Variants in MORN4 observed in about 807,000 individuals in gnomAD.
The protein encoded by MORN4 is MORN repeat-containing protein 4.
MORN4 carries 8 observed loss-of-function variants against 16.4 expected under a neutral mutation model. That is an observed-to-expected ratio of 0.49 (90% CI 0.29 to 0.88). The LOEUF (loss-of-function observed/expected upper bound fraction) is 0.88, where lower values mean the gene tolerates loss of function less well. MORN4 is among the 40% of genes least tolerant of loss of function. The pLI is 0.09. For missense variants in MORN4, 159 were observed against 182.9 expected (o/e 0.87, Z 0.75); for synonymous variants, 53 against 68.9 (o/e 0.77, Z 1.14).
rs971181215 is a variant in MORN4 at position 97,619,123 on chromosome 10, G to A, written c.67+464C>T. 2.6e-5 allele frequency among the ~76,000 whole-genome samples: 4 copies of A among 152,058 alleles called. No individual in the cohort carries two copies. In the East Asian group the frequency reaches 7.7e-4, roughly 29 times the overall value. The stretch of plus-strand genomic sequence containing the variant: ...GCAGATCACCTGAGGTCAGGAGTTC[G>A]AGACCAGCCTGGCCAACATGGTGAA... On this transcript the variant is annotated intron_variant, in intron 2 of 4. Transcript: ENST00000307450.
chr10:97,619,469 T>C (rs756179359), intron 2 of MORN4, 118 bp downstream of exon 2: 2 of 783,864 alleles, frequency 2.6e-6, no homozygotes, highest in South Asian at 1.4e-5. Flanking sequence ...AGGCACTATA[T>C]GGAATTAAAT....
At chr10:97,626,458 T>TC (rs1224329482) in intron 1 of MORN4, among the ~76,000 whole-genome samples, 14 of 142,412 alleles carry the variant, frequency 9.8e-5, no homozygotes, top group East Asian at 8.0e-4. Context: ...GTTCTCTCTC[T>TC]TTTTTTTTTT....
Position 97,630,738 on chromosome 10 carries a change from T to C in MORN4, c.-31+2609A>G, listed in dbSNP as rs146979591. 2.0e-3 allele frequency among the ~76,000 whole-genome samples: 298 copies of C among 152,364 alleles called. 9 individuals carry two copies. The East Asian group carries it at 0.039, about 20-fold the overall frequency. On this transcript the variant is annotated intron_variant, in intron 1 of 4. Coordinates refer to ENST00000307450, the MANE Select transcript of MORN4 (RefSeq NM_178832.4). The stretch of plus-strand genomic sequence containing the variant: ...ATTTTATGACTTTTATAATTAACCA[T>C]GCTAATGAATAGCTTTACAGCTACT...
At chr10:97,626,511 A>G (rs188699052) in intron 1 of MORN4, among the ~76,000 whole-genome samples, 51 of 144,796 alleles carry the variant, frequency 3.5e-4, no homozygotes, top group Middle Eastern at 7.2e-3. Context: ...ACTGGAGTGC[A>G]GTGGTGCAAT....
chr10:97,625,794 G>A (rs1432340396), intron 1 of MORN4, among the ~76,000 whole-genome samples: 18 of 152,192 alleles, frequency 1.2e-4, no homozygotes, highest in Admixed American at 1.2e-3. Context: ...AGGAGACAGT[G>A]TGTCGCTCTG....
Position 97,616,241 on chromosome 10 carries a change from T to G in MORN4, c.*22A>C. ...GGGCACTGGCTTTACCCAATACTTA[T>G]CAGCTGGTGCCCACTGCGCTGTCAG... On this transcript the variant is annotated 3_prime_UTR_variant, in exon 5 of 5. Coordinates refer to ENST00000307450, the MANE Select transcript of MORN4 (RefSeq NM_178832.4). 1 of 1,548,704 alleles carries G rather than the reference T, an allele frequency of 6.5e-7. No individual in the cohort carries two copies.
chr10:97,625,925 G>A (rs1016929045), intron 1 of MORN4, among the ~76,000 whole-genome samples: 9 of 152,114 alleles, frequency 5.9e-5, no homozygotes, highest in Non-Finnish European at 1.3e-4. Context: ...ACACCACCAT[G>A]CCCAACTAAC....
rs775442762 is a variant in MORN4, at chr10:97,615,275, G to C, written c.*988C>G. 2.0e-5 allele frequency: 3 copies of C among 152,532 alleles called. No individual in the cohort carries two copies. Among genetic ancestry groups the C allele is most frequent in the Non-Finnish European group, 2.9e-5 (2 of 68,196 alleles). 9.4% of individuals were successfully genotyped at this position (152,532 alleles called of 1,614,324 possible). A position where few individuals can be genotyped will look rare whatever the true frequency, so the allele number is the denominator to read the frequency against. On this transcript the variant is annotated 3_prime_UTR_variant, in exon 5 of 5. Transcript: ENST00000307450. ...CAGCCATGATTCCAACCAGCATGAGGAGTAACATATGGAAAAGCTCTGCCA... is the reference window on the plus strand; with the variant it reads ...CAGCCATGATTCCAACCAGCATGAGCAGTAACATATGGAAAAGCTCTGCCA...
chr10:97,615,067 A>C lies in MORN4; in HGVS notation c.*1196T>G, dbSNP rs2135732479. 6.5e-6 allele frequency: 1 copy of C among 152,718 alleles called. No individual in the cohort carries two copies. The highest frequency in any genetic ancestry group is 2.1e-4 in the South Asian group (1 of 4,820). 9.5% of individuals were successfully genotyped at this position (152,718 alleles called of 1,614,324 possible). On this transcript the variant is annotated 3_prime_UTR_variant, in exon 5 of 5. Coordinates refer to ENST00000307450, the MANE Select transcript of MORN4 (RefSeq NM_178832.4). ...CATGAGTTTTTTTCTTGATTGTCCCAAAAAGGGATCCTGTTCCCCATCTAA... is the reference window on the plus strand; with the variant it reads ...CATGAGTTTTTTTCTTGATTGTCCCCAAAAGGGATCCTGTTCCCCATCTAA...
Position 97,626,071 on chromosome 10 carries a change from T to TA in MORN4, c.-30-6389_-30-6388insT, listed in dbSNP as rs1274321147. 2.0e-5 allele frequency among the ~76,000 whole-genome samples: 3 copies of TA among 151,800 alleles called. 1 individual carries two copies. Among genetic ancestry groups the TA allele is most frequent in the African/African-American group, 7.3e-5 (3 of 41,320 alleles). On this transcript the variant is annotated intron_variant, in intron 1 of 4. Transcript: ENST00000307450. ...CACCACACCCAGCCTCATGCCTTTT[T>TA]TTTTTTTTTTTTTAAAGAGAACAAG...
chr10:97,630,178 C>T (rs2041384454), intron 1 of MORN4, among the ~76,000 whole-genome samples: 1 of 152,158 alleles, frequency 6.6e-6, no homozygotes, highest in African/African-American at 2.4e-5. Flanking sequence ...CCGCCTGCCT[C>T]AGCCTCCCGA....
chr10:97,620,877 C>T (rs2041285012), intron 1 of MORN4, among the ~76,000 whole-genome samples: 1 of 152,124 alleles, frequency 6.6e-6, no homozygotes, highest in Non-Finnish European at 1.5e-5. Context: ...AATCCCAGAA[C>T]TTTGTGAGGC....
intron 1 of MORN4, among the ~76,000 whole-genome samples, chr10:97,621,951 G>A (rs562836222): frequency 3.9e-5 from 6 of 152,240 alleles, no homozygotes; most frequent in South Asian, 2.1e-4. Flanking sequence ...TGGAATGTTC[G>A]CAAAGGTGAT....
At chr10:97,626,941 G>C (rs896655242) in intron 1 of MORN4, among the ~76,000 whole-genome samples, 8 of 151,010 alleles carry the variant, frequency 5.3e-5, no homozygotes, top group African/African-American at 2.0e-4. Flanking sequence ...ATTTTCAGTA[G>C]AGACAGGGTT....
At chr10:97,624,972 C>T (rs535175325) in intron 1 of MORN4, among the ~76,000 whole-genome samples, 29 of 152,088 alleles carry the variant, frequency 1.9e-4, no homozygotes, top group African/African-American at 6.0e-4. Context: ...AGAATACAGG[C>T]GTGAGTCACC....
chr10:97,622,057 A>G (rs892729457), intron 1 of MORN4, among the ~76,000 whole-genome samples: 1 of 152,166 alleles, frequency 6.6e-6, no homozygotes, highest in Non-Finnish European at 1.5e-5. Context: ...AATCTAGTCT[A>G]CTGGATGGTG....
intron 1 of MORN4, among the ~76,000 whole-genome samples, chr10:97,624,710 GTTTT>G (rs2041332508): frequency 6.6e-6 from 1 of 152,118 alleles, no homozygotes; most frequent in Non-Finnish European, 1.5e-5. Flanking sequence ...GAGCATCAGT[GTTTT>G]TTGTTTTGTT....
intron 1 of MORN4, among the ~76,000 whole-genome samples, chr10:97,631,923 G>A (rs1253055262): frequency 1.3e-5 from 2 of 151,484 alleles, no homozygotes; most frequent in East Asian, 1.9e-4. Flanking sequence ...CTGGGCAACA[G>A]AGCCAGACCT....
chr10:97,623,013 T>A (rs2041317109), intron 1 of MORN4, among the ~76,000 whole-genome samples: 1 of 151,872 alleles, frequency 6.6e-6, no homozygotes, highest in Admixed American at 6.6e-5. Flanking sequence ...GTCTCCTGAG[T>A]AGCTGGGACT....
Sources: allele counts gnomAD v4.1 joint callset (sites outside exome capture counted in the v4.1 genomes callset), GRCh38; gene constraint gnomAD v4.1.1; transcripts MANE v1.5; gene names NCBI Gene and HGNC (gene_info 2026-07-23, HGNC 2026-07-21).